RBM47: variants seen among roughly 807,000 people sequenced by gnomAD.
RBM47 encodes RNA-binding protein 47.
In RBM47, 21 loss-of-function variants were observed where a neutral mutation model predicts 47.1. The observed-to-expected ratio is 0.45, with a 90% CI of 0.32 to 0.64. The LOEUF (loss-of-function observed/expected upper bound fraction) is 0.64, where lower values mean the gene tolerates loss of function less well. RBM47 is among the 30% of genes least tolerant of loss of function. The pLI, the probability that RBM47 is intolerant of heterozygous loss-of-function variation, is 0.05. For missense variants in RBM47, 708 were observed against 870.9 expected, an observed-to-expected ratio of 0.81 and a Z score of 2.35; for synonymous variants, 375 against 361.7, an observed-to-expected ratio of 1.04 and a Z score of -0.42.
intron 1 of RBM47, among the ~76,000 whole-genome samples, chr4:40,578,698 G>T (rs983442262): frequency 6.6e-6 from 1 of 152,180 alleles, no homozygotes; most frequent in Non-Finnish European, 1.5e-5. Context: ...TAGGACAAGA[G>T]ATATGACTTC....
At chr4:40,456,307 T>C (rs1278581751) in intron 3 of RBM47, among the ~76,000 whole-genome samples, 1 of 152,204 alleles carries the variant, frequency 6.6e-6, no homozygotes, top group Admixed American at 6.5e-5. Flanking sequence ...AGAAAAACTT[T>C]ATGTGCCAGA....
intron 6 of RBM47, among the ~76,000 whole-genome samples, chr4:40,428,011 C>A (rs1016024684): frequency 6.6e-6 from 1 of 151,974 alleles, no homozygotes; most frequent in African/African-American, 2.4e-5. Context: ...GGCAACATGG[C>A]GAAACCTTGT....
intron 3 of RBM47, among the ~76,000 whole-genome samples, chr4:40,440,077 T>C (rs1303525419): frequency 6.6e-6 from 1 of 152,188 alleles, no homozygotes; most frequent in Non-Finnish European, 1.5e-5. Context: ...AATTATGCAA[T>C]AAGATTATTA....
intron 2 of RBM47, among the ~76,000 whole-genome samples, chr4:40,535,801 G>A (rs976909672): frequency 1.3e-4 from 19 of 151,968 alleles, no homozygotes; most frequent in Admixed American, 3.3e-4. Context: ...CTTATGATCC[G>A]CCCACCTTGA....
intron 2 of RBM47, among the ~76,000 whole-genome samples, chr4:40,532,557 C>G (rs1295193071): frequency 6.7e-6 from 1 of 149,070 alleles, no homozygotes; most frequent in Non-Finnish European, 1.5e-5. Context: ...ATGATCCACC[C>G]GCCTCAGCCT....
At chr4:40,470,760 A>C (rs771943336) in intron 2 of RBM47, among the ~76,000 whole-genome samples, 2 of 152,066 alleles carry the variant, frequency 1.3e-5, no homozygotes, top group African/African-American at 2.4e-5. Context: ...TATTTTTTTA[A>C]GAGGCAGAGT....
At chr4:40,597,348 C>T (rs1734849826) in intron 1 of RBM47, among the ~76,000 whole-genome samples, 1 of 152,022 alleles carries the variant, frequency 6.6e-6, no homozygotes, top group Non-Finnish European at 1.5e-5. Context: ...GTAATCCCAA[C>T]ACTTTGGGAG....
intron 4 of RBM47, 83 bp downstream of exon 4, chr4:40,437,688 T>C: frequency 7.2e-7 from 1 of 1,394,752 alleles, no homozygotes; most frequent in South Asian, 1.3e-5. Context: ...GCTCAGCAAA[T>C]GCCAGCCACG....
In RBM47 at chr4:40,600,985, CAAAA is replaced by C. The variant is rs56054491; in HGVS notation, c.-240+28407_-240+28410del. ...AGGCAACAAGAGTGAAACTCCGTCT[CAAAA>C]AAAAAAAAAAAAAGAAAGAAGAACA... On this transcript the variant is annotated intron_variant, in intron 1 of 6. Transcript: ENST00000295971. 1.6e-4 allele frequency among the ~76,000 whole-genome samples: 8 copies of C among 50,110 alleles called. No homozygotes were observed. In the South Asian group the frequency reaches 3.4e-3, roughly 22 times the overall value. 32.9% of individuals were successfully genotyped at this position (50,110 alleles called of 152,430 possible). A position where few individuals can be genotyped will look rare whatever the true frequency, so the allele number is the denominator to read the frequency against.
intron 3 of RBM47, among the ~76,000 whole-genome samples, chr4:40,462,534 A>T (rs1455686568): frequency 1.3e-5 from 2 of 152,232 alleles, no homozygotes; most frequent in East Asian, 3.9e-4. Flanking sequence ...GCATATTTAC[A>T]AAACACTTGC....
chr4:40,510,091 G>A (rs1382187789), intron 2 of RBM47, among the ~76,000 whole-genome samples: 1 of 149,050 alleles, frequency 6.7e-6, no homozygotes, highest in African/African-American at 2.5e-5. Context: ...GGAGGCTGAG[G>A]AAGGAGAACT....
intron 3 of RBM47, among the ~76,000 whole-genome samples, chr4:40,460,047 C>G (rs552832588): frequency 1.4e-4 from 22 of 152,152 alleles, no homozygotes; most frequent in African/African-American, 4.8e-4. Flanking sequence ...TGAGCCACCA[C>G]GCCTGGCCAG....
intron 2 of RBM47, among the ~76,000 whole-genome samples, chr4:40,519,508 G>A (rs1725970291): frequency 6.6e-6 from 1 of 151,466 alleles, no homozygotes; most frequent in African/African-American, 2.4e-5. Flanking sequence ...TGTTGGTCAG[G>A]CTGGTCTCGA....
At chr4:40,554,064 TC>T (rs1488892842) in intron 1 of RBM47, among the ~76,000 whole-genome samples, 1 of 151,824 alleles carries the variant, frequency 6.6e-6, no homozygotes, top group Non-Finnish European at 1.5e-5. Flanking sequence ...GGATGCACAG[TC>T]CCGTATTCAT....
chr4:40,627,560 C>T (rs1461603176), intron 1 of RBM47, among the ~76,000 whole-genome samples: 1 of 152,190 alleles, frequency 6.6e-6, no homozygotes, highest in African/African-American at 2.4e-5. Context: ...TAATCTTGAG[C>T]TTCAGAGCAG....
rs772368227 is a variant in RBM47, at chr4:40,438,254, G to A, written c.640C>T (p.Leu214Phe). The A allele has an allele frequency of 1.2e-6, 2 of 1,604,088 alleles. No homozygotes were observed. Among genetic ancestry groups the A allele is most frequent in the East Asian group, 2.2e-5 (1 of 44,886 alleles). Reference protein sequence around the residue: ...HRAAAMARRKLMPGRIQLWGH... With the variant: ...HRAAAMARRKFMPGRIQLWGH... ...CACAGCTGGATGCGGCCAGGCATGA[G>A]CTTGCGGCGAGCCATGGCAGCCGCG... Residue 214 changes from leucine (L) to phenylalanine (F), a missense_variant, in exon 4 of 7, where the codon CTC becomes TTC. Transcript: ENST00000295971.
chr4:40,560,920 G>A (rs963117004), intron 1 of RBM47, among the ~76,000 whole-genome samples: 2 of 151,060 alleles, frequency 1.3e-5, no homozygotes, highest in Non-Finnish European at 2.9e-5. Context: ...AGCCGAGAAC[G>A]CGCCACTGCA....
intron 2 of RBM47, among the ~76,000 whole-genome samples, chr4:40,521,561 C>T (rs3114382): frequency 0.53 from 81,139 of 152,120 alleles, 25,243 homozygotes; most frequent in African/African-American, 0.88. Flanking sequence ...TGCGATGAAA[C>T]AGAAAGTATG....
intron 3 of RBM47, among the ~76,000 whole-genome samples, chr4:40,443,762 ACT>A (rs1714069755): frequency 7.2e-6 from 1 of 139,146 alleles, no homozygotes; most frequent in Non-Finnish European, 1.5e-5. Flanking sequence ...AGGTACACTG[ACT>A]CAGGTTAACA....
Sources: gnomAD v4.1 joint callset for allele counts (sites outside exome capture counted in the v4.1 genomes callset) on GRCh38, gnomAD v4.1.1 for gene constraint, MANE v1.5 for transcripts, NCBI Gene and HGNC (gene_info 2026-07-23, HGNC 2026-07-21) for gene names.